The following RDH13 variants were observed in gnomAD, a reference collection of about 807,000 sequenced individuals.
RDH13 encodes the protein retinol dehydrogenase 13.
In RDH13, 35 loss-of-function variants were observed where a neutral mutation model predicts 28.3. The observed-to-expected ratio is 1.24, with a 90% confidence interval of 0.95 to 1.64. The LOEUF is 1.64. Among genes scored for constraint, RDH13 ranks in the 40% most tolerant of loss-of-function variants. The pLI, the probability that RDH13 is intolerant of heterozygous loss-of-function variation, is 0.00. For missense variants in RDH13, 514 were observed against 446.3 expected, an observed-to-expected ratio of 1.15 and a Z score of -1.37; for synonymous variants, 229 against 198.5, an observed-to-expected ratio of 1.15 and a Z score of -1.29.
upstream of RDH13, among the ~76,000 whole-genome samples, chr19:55,066,655 TTC>T (rs148846272): frequency 0.023 from 3,313 of 145,264 alleles, 109 homozygotes; most frequent in African/African-American, 0.079. Flanking sequence ...CTCTTTCTCT[TTC>T]TCTCTCTCTT....
intron 3 of RDH13, among the ~76,000 whole-genome samples, chr19:55,051,899 T>C (rs2075452260): frequency 6.6e-6 from 1 of 151,796 alleles, no homozygotes; most frequent in Non-Finnish European, 1.5e-5. Flanking sequence ...AAGCAGCTAC[T>C]TTTAAAATTT....
chr19:55,059,767 AC>A (rs1473206816), intron 1 of RDH13, among the ~76,000 whole-genome samples: 1 of 152,168 alleles, frequency 6.6e-6, no homozygotes, highest in African/African-American at 2.4e-5. Flanking sequence ...TTTGAAAAAG[AC>A]CTGTACTTTG....
intron 5 of RDH13, 135 bp downstream of exon 5, chr19:55,048,194 C>T (rs1026869664): frequency 5.8e-6 from 9 of 1,538,898 alleles, no homozygotes; most frequent in African/African-American, 5.5e-5. Flanking sequence ...AAGCGGGCAG[C>T]GTGGTCCACA....
chr19:55,043,936 A>G (rs2075111842), downstream of RDH13, among the ~76,000 whole-genome samples: 1 of 115,676 alleles, frequency 8.6e-6, no homozygotes, highest in Non-Finnish European at 2.0e-5. Flanking sequence ...TTTTTTTTTG[A>G]GACGGAATCT....
Position 55,044,804 on chromosome 19 carries a change from G to A in RDH13, c.*270C>T. 1 of 461,132 alleles carries A rather than the reference G, an allele frequency of 2.2e-6. No individual in the cohort carries two copies. Among genetic ancestry groups the A allele is most frequent in the South Asian group, 4.8e-5 (1 of 20,650 alleles). 28.6% of individuals were successfully genotyped at this position (461,132 alleles called of 1,614,324 possible). ...AGTGCACGGAGCCCCTTCCTCCTCGGCCATTCCCAGTTTAGATTCCCAGGG... is the reference window on the plus strand; with the variant it reads ...AGTGCACGGAGCCCCTTCCTCCTCGACCATTCCCAGTTTAGATTCCCAGGG... On this transcript the variant is annotated 3_prime_UTR_variant, in exon 7 of 7. Coordinates refer to ENST00000415061, the MANE Select transcript of RDH13 (RefSeq NM_001145971.2).
Position 55,060,053 on chromosome 19 carries a change from C to CAT in RDH13, c.66-779_66-778insAT, listed in dbSNP as rs1256398245. On this transcript the variant is annotated intron_variant, in intron 1 of 6. Transcript: ENST00000415061. ...CAGAGTATTGTCCAAGGTTTCTCCC[C>CAT]GTGGGATAGTCTGAAATATGGCCTC... Among the ~76,000 whole-genome samples, 1,127 of 151,836 alleles carry CAT rather than the reference C, an allele frequency of 7.4e-3. 27 individuals are homozygous for CAT. The highest frequency in any genetic ancestry group is 0.026 in the African/African-American group (1,066 of 41,140).
At chr19:55,064,119 C>T (rs1233183601), upstream of RDH13, 1 of 152,082 alleles carries the variant, frequency 6.6e-6, no homozygotes, top group Non-Finnish European at 1.5e-5. Context: ...GCAGGAAGAG[C>T]TATTTTAAGA....
chr19:55,039,272 C>T (rs528039507), exon 3 of RDH13: 1 of 152,394 alleles, frequency 6.6e-6, no homozygotes, highest in East Asian at 1.9e-4. Flanking sequence ...TGGCTCACGC[C>T]TGTAATCCCA....
chr19:55,054,175 C>T (rs1228495559), intron 3 of RDH13, among the ~76,000 whole-genome samples: 5 of 152,204 alleles, frequency 3.3e-5, no homozygotes, highest in East Asian at 3.8e-4. Context: ...TCTGAGATCA[C>T]GTCTGCTAAA....
chr19:55,049,413 A>T (rs559074247), intron 3 of RDH13, among the ~76,000 whole-genome samples: 9 of 152,202 alleles, frequency 5.9e-5, no homozygotes, highest in African/African-American at 2.2e-4. Flanking sequence ...TCAGCTGTAA[A>T]ATGCGCTGAA....
At chr19:55,064,635 A>ATG (rs2075912385), upstream of RDH13, among the ~76,000 whole-genome samples, 2 of 151,312 alleles carry the variant, frequency 1.3e-5, no homozygotes, top group East Asian at 4.0e-4. Context: ...GTTTTTTGAG[A>ATG]GACAGTCTCA....
At chr19:55,051,189 C>T (rs1445557815) in intron 3 of RDH13, among the ~76,000 whole-genome samples, 1 of 152,154 alleles carries the variant, frequency 6.6e-6, no homozygotes, top group African/African-American at 2.4e-5. Flanking sequence ...CACTTCCACT[C>T]GTGAGAGAAT....
chr19:55,042,770 G>A (rs8113032), downstream of RDH13: 67,030 of 152,058 alleles, frequency 0.44, 15,008 homozygotes, highest in East Asian at 0.58. Context: ...GCTCACGCAC[G>A]TGGTTGTTGG....
intron 5 of RDH13, among the ~76,000 whole-genome samples, chr19:55,047,749 G>A (rs2075286520): frequency 6.6e-6 from 1 of 152,212 alleles, no homozygotes; most frequent in Non-Finnish European, 1.5e-5. Context: ...CTGCATCGGT[G>A]CGTGGCGGTG....
intron 3 of RDH13, among the ~76,000 whole-genome samples, chr19:55,055,743 C>T (rs1367555048): frequency 6.6e-6 from 1 of 151,958 alleles, no homozygotes; most frequent in Non-Finnish European, 1.5e-5. Flanking sequence ...CTCCCAGCTA[C>T]TTGGGAGGCT....
At position 55,045,124 on chromosome 19, in the gene RDH13, G is replaced by C. The variant is rs1602696676; in HGVS notation, c.946C>G (p.Leu316Val). The C allele has an allele frequency of 1.2e-6, 2 of 1,613,438 alleles. No homozygotes were observed. Among genetic ancestry groups the C allele is most frequent in the Non-Finnish European group, 1.7e-6 (2 of 1,179,952 alleles). Residue 316 changes from leucine to valine, a missense_variant, in exon 7 of 7, where the codon CTG (leucine) becomes GTG (valine). Coordinates refer to ENST00000415061, the MANE Select transcript of RDH13 (RefSeq NM_001145971.2). ...ACAGAGGGAGCCTCTAAGCCCACCA[G>C]GCGGGCACTTTCAGCCCAAAGCCTC... is the stretch of plus-strand genomic sequence containing the variant. ...ARRLWAESARLVGLEAPSVRE... is the reference protein window; with the variant it reads ...ARRLWAESARVVGLEAPSVRE...
intron 3 of RDH13, 148 bp downstream of exon 3, chr19:55,056,505 C>CA (rs1481014914): frequency 2.2e-6 from 2 of 904,998 alleles, no homozygotes; most frequent in Non-Finnish European, 3.2e-6. Context: ...GCAGGCTGTA[C>CA]AAAAAAAGGC....
At chr19:55,059,436 A>G (rs180901426) in intron 1 of RDH13, among the ~76,000 whole-genome samples, 161 bp from the exon 2 acceptor site, 136 of 152,378 alleles carry the variant, frequency 8.9e-4, no homozygotes, top group African/African-American at 3.0e-3. Context: ...CATGTTCTCC[A>G]TAAGTGGCTC....
intron 2 of RDH13, among the ~76,000 whole-genome samples, chr19:55,057,477 G>C (rs1279360839): frequency 6.7e-6 from 1 of 149,028 alleles, no homozygotes; most frequent in Admixed American, 6.7e-5. Context: ...CTGTCACCCA[G>C]GCTGGAGTGC....
Sources: gnomAD v4.1 joint callset for allele counts (sites outside exome capture counted in the v4.1 genomes callset) on GRCh38, gnomAD v4.1.1 for gene constraint, MANE v1.5 for transcripts, NCBI Gene and HGNC (gene_info 2026-07-23, HGNC 2026-07-21) for gene names.